RBFOX1: variants seen among roughly 807,000 people sequenced by gnomAD.
RBFOX1 encodes RNA binding fox-1 homolog 1.
Under a neutral mutation model 57.7 loss-of-function variants are expected in RBFOX1, and 8 were observed. The observed-to-expected ratio is 0.14, with a 90% confidence interval of 0.08 to 0.25. The LOEUF (loss-of-function observed/expected upper bound fraction) is 0.25. RBFOX1 is among the 10% of genes least tolerant of loss of function. The pLI is 1.00. For missense variants in RBFOX1, 611 were observed against 548.5 expected, an observed-to-expected ratio of 1.11 and a Z score of -1.14; for synonymous variants, 326 against 222.4, an observed-to-expected ratio of 1.47 and a Z score of -4.15.
chr16:5,574,167 T>TG (rs1246806721), intron 2 of RBFOX1, among the ~76,000 whole-genome samples: 2 of 152,172 alleles, frequency 1.3e-5, no homozygotes, highest in Non-Finnish European at 2.9e-5. Context: ...TGCGGATCTA[T>TG]GAGGGCATCG....
intron 2 of RBFOX1, among the ~76,000 whole-genome samples, chr16:6,495,153 C>G (rs1360130362): frequency 6.6e-6 from 1 of 152,170 alleles, no homozygotes; most frequent in African/African-American, 2.4e-5. Flanking sequence ...AACTTTCACT[C>G]TTTCACCCAT....
At chr16:7,460,525 A>G (rs1485940524) in intron 4 of RBFOX1, among the ~76,000 whole-genome samples, 8 of 147,430 alleles carry the variant, frequency 5.4e-5, no homozygotes, top group Non-Finnish European at 1.5e-5. Flanking sequence ...TCTAATATAC[A>G]TATATATTAG....
At chr16:6,676,482 G>T (rs536700863) in intron 3 of RBFOX1, among the ~76,000 whole-genome samples, 177 of 152,082 alleles carry the variant, frequency 1.2e-3, no homozygotes, top group Non-Finnish European at 2.0e-3. Flanking sequence ...TCCTGAATGG[G>T]GAGGGCCTTG....
intron 2 of RBFOX1, among the ~76,000 whole-genome samples, chr16:5,522,213 T>A (rs1488703401): frequency 6.6e-6 from 1 of 152,210 alleles, no homozygotes. Flanking sequence ...AAATCTGAGC[T>A]CTTCTACTTT....
Position 7,130,473 on chromosome 16 carries a change from C to G in RBFOX1, c.27+78375C>G, listed in dbSNP as rs1177819890. Among the ~76,000 whole-genome samples the G allele has an allele frequency of 7.2e-5, 11 of 152,292 alleles. No homozygotes were observed. In the East Asian group the frequency reaches 1.9e-3, roughly 27 times the overall value. On this transcript the variant is annotated intron_variant, in intron 4 of 15. Transcript: ENST00000550418. ...TCCTTTTAGGCAAAAGTGATCATCT[C>G]TGTCTCACTCATTGCAGTACTCTAA...
At chr16:7,134,285 C>T (rs2071312097) in intron 4 of RBFOX1, among the ~76,000 whole-genome samples, 1 of 152,112 alleles carries the variant, frequency 6.6e-6, no homozygotes, top group Non-Finnish European at 1.5e-5. Flanking sequence ...GGGGATATGA[C>T]ATTTTGCTGT....
At chr16:6,051,780 TC>T (rs1278601541) in intron 1 of RBFOX1, among the ~76,000 whole-genome samples, 1 of 152,206 alleles carries the variant, frequency 6.6e-6, no homozygotes, top group Non-Finnish European at 1.5e-5. Flanking sequence ...GTCAGGCTGA[TC>T]TTGAACCCCT....
chr16:6,873,951 A>T (rs2061383765), intron 3 of RBFOX1: 1 of 152,188 alleles, frequency 6.6e-6, no homozygotes, highest in South Asian at 2.1e-4. Flanking sequence ...AGAGAAGATT[A>T]GCGTGACCCC....
chr16:7,171,407 C>A (rs1179037758), intron 4 of RBFOX1, among the ~76,000 whole-genome samples: 2 of 152,188 alleles, frequency 1.3e-5, no homozygotes, highest in African/African-American at 4.8e-5. Flanking sequence ...CCGCTAATGT[C>A]ACTTTATCCC....
At chr16:5,243,485 G>A (rs1031492827) in intron 1 of RBFOX1, among the ~76,000 whole-genome samples, 3 of 152,154 alleles carry the variant, frequency 2.0e-5, no homozygotes, top group Non-Finnish European at 4.4e-5. Flanking sequence ...CACTTGGGGT[G>A]AGACCATTCG....
intron 3 of RBFOX1, among the ~76,000 whole-genome samples, chr16:6,749,898 A>G (rs929880813): frequency 6.6e-6 from 1 of 152,196 alleles, no homozygotes; most frequent in Admixed American, 6.5e-5. Context: ...CCATTTCTAC[A>G]TCCTCAGAAT....
intron 2 of RBFOX1, among the ~76,000 whole-genome samples, chr16:5,545,059 C>G (rs1269213283): frequency 7.1e-6 from 1 of 140,920 alleles, no homozygotes; most frequent in Non-Finnish European, 1.5e-5. Flanking sequence ...TCACTGCAAC[C>G]TCTGCCTCCT....
rs550369575 is a variant in RBFOX1, at chr16:6,986,118, A to G, written c.-15-65939A>G. 6.6e-5 allele frequency among the ~76,000 whole-genome samples: 10 copies of G among 151,600 alleles called. No homozygotes were observed. In the South Asian group the frequency reaches 1.0e-3, roughly 16 times the overall value. The stretch of plus-strand genomic sequence containing the variant: ...AACTTTTTATTTTGAAAAATTCTAA[A>G]CATGAAAAAATGTAAGACTTGTACA... On this transcript the variant is annotated intron_variant, in intron 3 of 15. Coordinates refer to ENST00000550418, the MANE Select transcript of RBFOX1 (RefSeq NM_018723.4).
chr16:6,947,492 C>A (rs2079792289), intron 3 of RBFOX1, among the ~76,000 whole-genome samples: 1 of 152,132 alleles, frequency 6.6e-6, no homozygotes, highest in African/African-American at 2.4e-5. Flanking sequence ...GATGTAGGAA[C>A]ACCCTGAAAT....
intron 3 of RBFOX1, among the ~76,000 whole-genome samples, chr16:6,702,875 C>G (rs1167257197): frequency 6.6e-6 from 1 of 152,176 alleles, no homozygotes; most frequent in African/African-American, 2.4e-5. Flanking sequence ...GTCTCCAGAA[C>G]TTTATCTTCC....
At chr16:5,439,403 A>C (rs959124315) in intron 1 of RBFOX1, among the ~76,000 whole-genome samples, 1 of 152,202 alleles carries the variant, frequency 6.6e-6, no homozygotes, top group African/African-American at 2.4e-5. Flanking sequence ...GTACCTGGGT[A>C]GAAAACGCAT....
intron 4 of RBFOX1, among the ~76,000 whole-genome samples, chr16:7,334,510 G>T (rs981086880): frequency 3.3e-5 from 5 of 152,094 alleles, no homozygotes; most frequent in African/African-American, 7.2e-5. Flanking sequence ...CAGGCAAATC[G>T]TGGCCTTCAC....
rs187367487 is a variant in RBFOX1 at position 6,874,104 on chromosome 16, A to T, written c.-15-177953A>T. On this transcript the variant is annotated intron_variant, in intron 3 of 15. Transcript: ENST00000550418. ...GCACATGCATGTTTATAGCAGCACA[A>T]TTCACAATTTCAGAAATATGGAACC... 4.6e-5 allele frequency: 7 copies of T among 152,332 alleles called. No individual in the cohort carries two copies. In the South Asian group the frequency reaches 8.3e-4, roughly 18 times the overall value. 9.4% of individuals were successfully genotyped at this position (152,332 alleles called of 1,614,324 possible).
At chr16:5,854,721 C>G (rs2056981779) in intron 3 of RBFOX1, among the ~76,000 whole-genome samples, 1 of 152,080 alleles carries the variant, frequency 6.6e-6, no homozygotes, top group African/African-American at 2.4e-5. Context: ...CTTTGAGATA[C>G]TAATTTTATT....
Sources: gnomAD v4.1 joint callset for allele counts (sites outside exome capture counted in the v4.1 genomes callset) on GRCh38, gnomAD v4.1.1 for gene constraint, MANE v1.5 for transcripts, NCBI Gene and HGNC (gene_info 2026-07-23, HGNC 2026-07-21) for gene names.